EFCC1: variants seen among roughly 807,000 people sequenced by gnomAD.
EFCC1 encodes the protein EF-hand and coiled-coil domain containing 1.
In EFCC1, 50 loss-of-function variants were observed where a neutral mutation model predicts 52.1. The observed-to-expected ratio is 0.96, with a 90% CI of 0.76 to 1.21. The LOEUF (loss-of-function observed/expected upper bound fraction) is 1.21, where lower values mean the gene tolerates loss of function less well. Ranked by LOEUF, EFCC1 falls within the 50% of genes most tolerant of loss-of-function variation. The pLI, the probability that EFCC1 is intolerant of heterozygous loss-of-function variation, is 0.00. For missense variants in EFCC1, 837 were observed against 867.3 expected, an observed-to-expected ratio of 0.97 and a Z score of 0.44; for synonymous variants, 399 against 396.5, an observed-to-expected ratio of 1.01 and a Z score of -0.08.
chr3:129,001,678 G>A lies in EFCC1; in HGVS notation c.50G>A (p.Gly17Asp). 4 of 1,465,246 alleles carry A rather than the reference G, an allele frequency of 2.7e-6. No individual in the cohort carries two copies. Among genetic ancestry groups the A allele is most frequent in the Non-Finnish European group, 3.6e-6 (4 of 1,110,596 alleles). 90.8% of individuals were successfully genotyped at this position (1,465,246 alleles called of 1,614,324 possible). Reference protein sequence around the residue: ...GAEAGMEGAGGDPYRRPARRT... With the variant: ...GAEAGMEGAGDDPYRRPARRT... ...GAGGCCGGCATGGAGGGCGCGGGAG[G>A]TGACCCGTACCGGCGACCTGCGCGG... is the stretch of plus-strand genomic sequence containing the variant. Residue 17 changes from glycine to aspartate, a missense_variant, in exon 1 of 8, where the codon GGT (glycine) becomes GAT (aspartate). Coordinates refer to ENST00000683648, the MANE Select transcript of EFCC1 (RefSeq NM_001377500.1).
Position 129,038,828 on chromosome 3 carries a change from A to G in EFCC1, c.1594-3A>G. On this transcript the variant is annotated splice_region_variant and splice_polypyrimidine_tract_variant and intron_variant, in intron 6 of 7. Coordinates refer to ENST00000683648, the MANE Select transcript of EFCC1 (RefSeq NM_001377500.1). ...TCCAGCCTTGTTTCCATTTCTTTTT[A>G]AGAACATATCGAAAAGAGCCCTGGG... The G allele has an allele frequency of 1.2e-6, 2 of 1,613,674 alleles. No individual in the cohort carries two copies. Among genetic ancestry groups the G allele is most frequent in the Non-Finnish European group, 1.7e-6 (2 of 1,179,918 alleles).
At chr3:129,003,447 C>CCGG (rs1206603828) in intron 1 of EFCC1, 1 of 266,576 alleles carries the variant, frequency 3.8e-6, no homozygotes, top group East Asian at 1.8e-4. Context: ...GAACCGCCAC[C>CCGG]CGGCAGGCTG....
rs1221403998 is a variant in EFCC1, at chr3:129,010,820, C to T, written c.980+6743C>T. ...CCTTTCCTCCTCCAGGAACAATACT[C>T]AGGCTCACAAAGAGGCAGACCCACT... On this transcript the variant is annotated intron_variant, in intron 2 of 7. Coordinates refer to ENST00000683648, the MANE Select transcript of EFCC1 (RefSeq NM_001377500.1). The surrounding 1 kb of genome is among the most constrained non-coding windows in gnomAD (Gnocchi z 4.3). Among the ~76,000 whole-genome samples the T allele has an allele frequency of 1.3e-5, 2 of 152,160 alleles. No homozygotes were observed. The highest frequency in any genetic ancestry group is 1.3e-4 in the Admixed American group (2 of 15,286).
intron 2 of EFCC1, among the ~76,000 whole-genome samples, chr3:129,027,042 G>GC (rs1181954270): frequency 6.6e-6 from 1 of 152,154 alleles, no homozygotes; most frequent in Middle Eastern, 3.2e-3. Flanking sequence ...TCTATCTGCA[G>GC]CCCCCAAGCA....
Position 129,001,620 on chromosome 3 carries a change from G to T in EFCC1, c.-9G>T, listed in dbSNP as rs898853214. 2 of 1,350,804 alleles carry T rather than the reference G, an allele frequency of 1.5e-6. No homozygotes were observed. The highest frequency in any genetic ancestry group is 3.1e-5 in the African/African-American group (2 of 64,842). The allele number at this position is 1,350,804 out of a possible 1,614,324, so 83.7% of individuals were successfully genotyped here. On this transcript the variant is annotated 5_prime_UTR_variant, in exon 1 of 8. Transcript: ENST00000683648. The stretch of plus-strand genomic sequence containing the variant: ...GAGGGACCGGAGGAGCGAGGCGCGC[G>T]GCGCAGCGATGGAGCCGGTCAGCAC...
At chr3:129,023,000 C>T (rs987651487) in intron 2 of EFCC1, among the ~76,000 whole-genome samples, 1 of 152,196 alleles carries the variant, frequency 6.6e-6, no homozygotes. Flanking sequence ...AGAACAGCCT[C>T]GGGTTCAGAG....
chr3:129,007,331 T>A (rs921897020), intron 2 of EFCC1, among the ~76,000 whole-genome samples: 2 of 152,188 alleles, frequency 1.3e-5, no homozygotes, highest in Non-Finnish European at 2.9e-5. Context: ...GAGGGCTGCA[T>A]TCTAGAGGAA....
intron 1 of EFCC1, 64 bp from the exon 2 acceptor site, chr3:129,003,730 G>A: frequency 1.6e-6 from 2 of 1,277,424 alleles, no homozygotes; most frequent in Non-Finnish European, 2.0e-6. Flanking sequence ...CGTCGTGGCG[G>A]GCGTTCGTCT....
chr3:129,015,299 C>T (rs1945523796), intron 2 of EFCC1, among the ~76,000 whole-genome samples: 1 of 152,164 alleles, frequency 6.6e-6, no homozygotes. Context: ...TCTTGCCAGA[C>T]CCCAACTCTT....
chr3:129,029,089 G>A (rs1488604962), intron 2 of EFCC1, among the ~76,000 whole-genome samples: 2 of 152,190 alleles, frequency 1.3e-5, no homozygotes, highest in East Asian at 3.9e-4. Context: ...CCTGCGATTC[G>A]AGTTCTCCCG....
chr3:129,019,023 C>A (rs375713408), intron 2 of EFCC1, among the ~76,000 whole-genome samples: 30 of 152,330 alleles, frequency 2.0e-4, no homozygotes, highest in Admixed American at 7.2e-4. Flanking sequence ...TGTCCTCCCC[C>A]ACACCACCGT....
At chr3:129,031,667 C>A (rs1272337731) in intron 3 of EFCC1, among the ~76,000 whole-genome samples, 1 of 152,218 alleles carries the variant, frequency 6.6e-6, no homozygotes, top group Non-Finnish European at 1.5e-5. Context: ...AAGCTTCAGG[C>A]ACAGCTGAAG....
At chr3:129,016,642 A>T (rs1945597433) in intron 2 of EFCC1, among the ~76,000 whole-genome samples, 1 of 152,066 alleles carries the variant, frequency 6.6e-6, no homozygotes, top group African/African-American at 2.4e-5. Flanking sequence ...AGCCCTGGAG[A>T]CAGAGCTACA....
At chr3:129,004,716 T>C (rs540606475) in intron 2 of EFCC1, among the ~76,000 whole-genome samples, 1 of 152,258 alleles carries the variant, frequency 6.6e-6, no homozygotes, top group East Asian at 1.9e-4. Flanking sequence ...CTAAGTACTT[T>C]ATGTGGCTTA....
At chr3:129,031,929 C>G (rs1946280009) in intron 3 of EFCC1, among the ~76,000 whole-genome samples, 2 of 152,168 alleles carry the variant, frequency 1.3e-5, no homozygotes, top group Non-Finnish European at 1.5e-5. Context: ...AGGCTGCACT[C>G]AGCCTGGCCG....
chr3:129,022,484 T>C (rs1180990369), intron 2 of EFCC1, among the ~76,000 whole-genome samples: 2 of 152,166 alleles, frequency 1.3e-5, no homozygotes, highest in Admixed American at 6.5e-5. Context: ...AAGAGCAACA[T>C]CTGGCCCTTG....
At position 129,003,924 on chromosome 3, in the gene EFCC1, G is replaced by A. The variant is rs1435505585; in HGVS notation, c.827G>A (p.Arg276His). 9 of 1,369,468 alleles carry A rather than the reference G, an allele frequency of 6.6e-6. No individual in the cohort carries two copies. The highest frequency in any genetic ancestry group is 3.4e-5 in the Admixed American group (1 of 29,506). The allele number at this position is 1,369,468 out of a possible 1,614,324, so 84.8% of individuals were successfully genotyped here. A position where few individuals can be genotyped will look rare whatever the true frequency, so the allele number is the denominator to read the frequency against. ...AAEARAGRLR[R>H]GQAEVRRRAE... The stretch of plus-strand genomic sequence containing the variant: ...GAGGCCCGCGCTGGGCGGCTGCGCC[G>A]TGGCCAGGCCGAGGTGCGGCGGCGC... Residue 276 changes from arginine to histidine, a missense_variant, in exon 2 of 8, where the codon CGT becomes CAT. By Grantham distance (29) the Arg-to-His change is conservative. Transcript: ENST00000683648.
chr3:129,006,530 G>A (rs369405556), intron 2 of EFCC1, among the ~76,000 whole-genome samples: 17 of 152,280 alleles, frequency 1.1e-4, no homozygotes, highest in African/African-American at 3.9e-4. Flanking sequence ...TGGCCAGTCT[G>A]GTCTCAAACA....
intron 2 of EFCC1, among the ~76,000 whole-genome samples, chr3:129,016,676 A>T (rs1945598827): frequency 6.6e-6 from 1 of 152,106 alleles, no homozygotes; most frequent in Non-Finnish European, 1.5e-5. Context: ...CTGTAGATGG[A>T]TTCCACACAC....
Sources: allele counts gnomAD v4.1 joint callset (sites outside exome capture counted in the v4.1 genomes callset), GRCh38; gene constraint gnomAD v4.1.1; non-coding constraint Gnocchi (gnomAD v3.1); transcripts MANE v1.5; gene names NCBI Gene and HGNC (gene_info 2026-07-23, HGNC 2026-07-21).